PTOV1: variants seen among roughly 807,000 people sequenced by gnomAD.
PTOV1 encodes the protein PTOV1 extended AT-hook containing adaptor protein.
PTOV1 carries 20 observed loss-of-function variants against 58.0 expected under a neutral mutation model. The ratio of observed to expected loss-of-function variants is 0.34; its 90% confidence interval spans 0.24 to 0.50. The LOEUF (loss-of-function observed/expected upper bound fraction) is 0.50, where lower values mean the gene tolerates loss of function less well. PTOV1 is among the 20% of genes least tolerant of loss of function. The pLI, the probability that PTOV1 is intolerant of heterozygous loss-of-function variation, is 0.98. For missense variants in PTOV1, 593 were observed against 565.4 expected, an observed-to-expected ratio of 1.05 and a Z score of -0.50; for synonymous variants, 335 against 234.2, an observed-to-expected ratio of 1.43 and a Z score of -3.93.
At chr19:49,851,010 C>T, upstream of PTOV1, 1 of 1,532,976 alleles carries the variant, frequency 6.5e-7, no homozygotes, top group Non-Finnish European at 8.7e-7. Flanking sequence ...CGCGTCTTCC[C>T]AGGACTCCCC....
chr19:49,858,847 G>C (rs1001496833), intron 10 of PTOV1, 194 bp downstream of exon 10: 12 of 554,290 alleles, frequency 2.2e-5, no homozygotes, highest in Non-Finnish European at 3.9e-5. Flanking sequence ...ACTGACCCTG[G>C]TTCTGCGGGG....
chr19:49,854,601 C>A, intron 2 of PTOV1, 51 bp from the exon 3 acceptor site: 1 of 1,612,986 alleles, frequency 6.2e-7, no homozygotes, highest in Non-Finnish European at 8.5e-7. Context: ...CCTGCGGGGA[C>A]AGGCCAGGGC....
chr19:49,858,323 G>C (rs2074573281), intron 9 of PTOV1: 1 of 742,470 alleles, frequency 1.3e-6, no homozygotes, highest in African/African-American at 1.8e-5. Context: ...GACTGAGCGG[G>C]GCAGGGGCAG....
At chr19:49,859,893 C>T (rs186104592) in intron 10 of PTOV1, 93 bp from the exon 11 acceptor site, 2 of 1,380,480 alleles carry the variant, frequency 1.4e-6, no homozygotes, top group Middle Eastern at 1.9e-4. Context: ...TTAGGCTGTG[C>T]CTGGCTCATG....
At position 49,854,966 on chromosome 19, in the gene PTOV1, C is replaced by A. The variant is rs2074399678; in HGVS notation, c.451-4C>A. 1 of 1,600,018 alleles carries A rather than the reference C, an allele frequency of 6.2e-7. No individual in the cohort carries two copies. Among genetic ancestry groups the A allele is most frequent in the East Asian group, 2.3e-5 (1 of 43,942 alleles). On this transcript the variant is annotated splice_polypyrimidine_tract_variant and splice_region_variant and intron_variant, in intron 4 of 11. Coordinates refer to ENST00000391842, the Ensembl canonical transcript of PTOV1. Reference sequence around the variant, plus strand: ...GACCCAGCTGTCTGTCCTGTCGCCCCCAGACCACCCTGGGCCCCCTGTTCC... The same window carrying A: ...GACCCAGCTGTCTGTCCTGTCGCCCACAGACCACCCTGGGCCCCCTGTTCC...
At position 49,857,677 on chromosome 19, in the gene PTOV1, C is replaced by A; in HGVS notation, c.715-16C>A. 2 of 1,611,690 alleles carry A rather than the reference C, an allele frequency of 1.2e-6. No homozygotes were observed. Among genetic ancestry groups the A allele is most frequent in the South Asian group, 1.1e-5 (1 of 90,730 alleles). ...GGAGCCTGGGCCCCTCTTCCCACCC[C>A]GTTCCCTTCCAACAGGCAGTGGGAC... On this transcript the variant is annotated splice_polypyrimidine_tract_variant and intron_variant, in intron 6 of 11. Transcript: ENST00000391842.
At chr19:49,858,285 C>G in intron 9 of PTOV1, 171 bp downstream of exon 9, 1 of 888,566 alleles carries the variant, frequency 1.1e-6, no homozygotes, top group African/African-American at 1.7e-5. Context: ...TCAAGGGGTC[C>G]CAGGCAGCCA....
intron 9 of PTOV1, 129 bp downstream of exon 9, chr19:49,858,243 C>T: frequency 8.2e-7 from 1 of 1,218,148 alleles, no homozygotes; most frequent in Non-Finnish European, 1.1e-6. Flanking sequence ...GGTGCTGAAG[C>T]AGGTGTGGTG....
chr19:49,852,502 T>A (rs932815450), intron 1 of PTOV1: 5 of 152,214 alleles, frequency 3.3e-5, no homozygotes, highest in Admixed American at 2.6e-4. Flanking sequence ...AATAGGGATG[T>A]CAGGCGCGCA....
exon 6 of PTOV1, chr19:49,857,002 T>G: frequency 6.2e-7 from 1 of 1,613,528 alleles, no homozygotes; most frequent in Non-Finnish European, 8.5e-7. Context: ...CCCCCACATC[T>G]CCCCCTGTGA....
chr19:49,852,244 C>T (rs896083566), intron 1 of PTOV1: 8 of 226,116 alleles, frequency 3.5e-5, no homozygotes, highest in Non-Finnish European at 5.9e-5. Context: ...AATACACTGC[C>T]TCAGCGGTGT....
At chr19:49,855,163 G>C in intron 5 of PTOV1, 86 bp downstream of exon 5, 1 of 1,325,052 alleles carries the variant, frequency 7.5e-7, no homozygotes, top group South Asian at 1.3e-5. Context: ...GGCGGGGGTC[G>C]GGGGGTCTCC....
At chr19:49,853,251 T>A (rs548977329) in intron 1 of PTOV1, 3 of 152,226 alleles carry the variant, frequency 2.0e-5, no homozygotes, top group South Asian at 4.1e-4. Context: ...TTATAATTTG[T>A]TTTCCCCCGC....
At chr19:49,860,399 G>GC (rs2122296873) in exon 12 of PTOV1, 190 of 517,820 alleles carry the variant, frequency 3.7e-4, no homozygotes, top group Non-Finnish European at 6.1e-4. Flanking sequence ...GTGGGGTTGG[G>GC]AAAGAAGCAG....
intron 9 of PTOV1, 200 bp from the exon 10 acceptor site, chr19:49,858,349 G>A (rs993935576): frequency 1.6e-5 from 11 of 686,390 alleles, no homozygotes; most frequent in South Asian, 1.1e-4. Context: ...ACCTGCACCT[G>A]GGGGGCTGCC....
At chr19:49,850,926 G>T, upstream of PTOV1, 1 of 1,535,914 alleles carries the variant, frequency 6.5e-7, no homozygotes. Context: ...CCAGCTTGGT[G>T]TCGCCTTCGT....
upstream of PTOV1, chr19:49,850,820 C>G (rs1484842931): frequency 6.5e-7 from 1 of 1,528,146 alleles, no homozygotes; most frequent in African/African-American, 1.4e-5. Context: ...TTATTCCGTC[C>G]TCCCCTCTTC....
chr19:49,850,974 G>C, upstream of PTOV1: 2 of 1,535,232 alleles, frequency 1.3e-6, no homozygotes, highest in South Asian at 2.4e-5. Context: ...TCCCGTTCCC[G>C]CCACGCCCCC....
At chr19:49,851,018 C>G, upstream of PTOV1, 1 of 1,530,862 alleles carries the variant, frequency 6.5e-7, no homozygotes, top group Non-Finnish European at 8.7e-7. Flanking sequence ...CCCAGGACTC[C>G]CCCGCGCCGG....
Sources: allele counts gnomAD v4.1 joint callset, GRCh38; gene constraint gnomAD v4.1.1; transcripts MANE v1.5; gene names NCBI Gene and HGNC (gene_info 2026-07-23, HGNC 2026-07-21).